The following SHOC1 variants were observed in gnomAD, a reference collection of about 807,000 sequenced individuals.
SHOC1 encodes the protein shortage in chiasmata 1.
SHOC1 carries 136 observed loss-of-function variants against 179.2 expected under a neutral mutation model. The ratio of observed to expected loss-of-function variants is 0.76; its 90% CI spans 0.66 to 0.87. The LOEUF (loss-of-function observed/expected upper bound fraction) is 0.87. SHOC1 is among the 40% of genes least tolerant of loss of function. The pLI, the probability that SHOC1 is intolerant of heterozygous loss-of-function variation, is 0.00. For missense variants in SHOC1, 1,538 were observed against 1,700.8 expected (o/e 0.90, Z 1.68); for synonymous variants, 489 against 586.6 (o/e 0.83, Z 2.41).
At position 111,779,728 on chromosome 9, in the gene SHOC1, A is replaced by G. The variant is rs1433144291; in HGVS notation, c.257+1202T>C. On this transcript the variant is annotated intron_variant, in intron 4 of 27. Coordinates refer to ENST00000682961, the MANE Select transcript of SHOC1 (RefSeq NM_001378211.1). The stretch of plus-strand genomic sequence containing the variant: ...CTGGCAGCATCATTACCACCTAGAA[A>G]TAGATTAGAATTGCAGAATCTCAGG... 3.9e-5 allele frequency among the ~76,000 whole-genome samples: 6 copies of G among 152,150 alleles called. No individual in the cohort carries two copies. The East Asian group carries it at 1.2e-3, about 29-fold the overall frequency.
rs151100295 is a variant in SHOC1, at chr9:111,735,589, A to G, written c.1417+2691T>C. Among the ~76,000 whole-genome samples, 404 of 152,218 alleles carry G rather than the reference A, an allele frequency of 2.7e-3. 1 individual carries two copies. Among genetic ancestry groups the G allele is most frequent in the African/African-American group, 8.6e-3 (359 of 41,520 alleles). On this transcript the variant is annotated intron_variant, in intron 12 of 27. Coordinates refer to ENST00000682961, the MANE Select transcript of SHOC1 (RefSeq NM_001378211.1). ...ATTTTCTTTATCCAGTCTATCATTGATGGGCATTTGGGTTGGTTCCAAGTC... is the reference window on the plus strand; with the variant it reads ...ATTTTCTTTATCCAGTCTATCATTGGTGGGCATTTGGGTTGGTTCCAAGTC...
intron 5 of SHOC1, among the ~76,000 whole-genome samples, chr9:111,762,912 T>C (rs1835198888): frequency 6.6e-6 from 1 of 152,116 alleles, no homozygotes; most frequent in Admixed American, 6.6e-5. Context: ...ACAGCCATCA[T>C]TCACAGACAA....
chr9:111,709,172 C>T (rs563663336), intron 18 of SHOC1, among the ~76,000 whole-genome samples: 3 of 152,250 alleles, frequency 2.0e-5, no homozygotes, highest in Non-Finnish European at 4.4e-5. Flanking sequence ...GAAGCCCTGT[C>T]TCTACTAAAA....
intron 20 of SHOC1, 57 bp downstream of exon 20, chr9:111,706,511 A>G: frequency 2.3e-6 from 3 of 1,314,930 alleles, no homozygotes; most frequent in Middle Eastern, 2.7e-4. Flanking sequence ...CATAAACAAA[A>G]AATAGAAAAT....
chr9:111,693,603 A>C (rs1371972941), intron 26 of SHOC1, among the ~76,000 whole-genome samples, 196 bp downstream of exon 26: 1 of 151,978 alleles, frequency 6.6e-6, no homozygotes, highest in Non-Finnish European at 1.5e-5. Flanking sequence ...TAAAATAAAA[A>C]ATAAAATAAA....
chr9:111,756,935 A>T lies in SHOC1; in HGVS notation c.709-457T>A, dbSNP rs1319269430. ...CTCCTCAACAAGAGAGACTAAGTCC[A>T]CAACTCTCAGGGTTAACCTGGGAAG... is the stretch of plus-strand genomic sequence containing the variant. On this transcript the variant is annotated intron_variant, in intron 7 of 27. Transcript: ENST00000682961. Among the ~76,000 whole-genome samples the T allele has an allele frequency of 3.9e-5, 6 of 152,190 alleles. No homozygotes were observed. In the South Asian group the frequency reaches 6.2e-4, roughly 16 times the overall value.
chr9:111,723,491 T>C (rs1451560251), intron 14 of SHOC1, among the ~76,000 whole-genome samples: 10 of 152,228 alleles, frequency 6.6e-5, no homozygotes, highest in Admixed American at 1.3e-4. Context: ...CAGTTCATTT[T>C]CCAGACTGGG....
intron 12 of SHOC1, among the ~76,000 whole-genome samples, chr9:111,732,765 TGAG>T (rs1181055129): frequency 6.6e-6 from 1 of 152,012 alleles, no homozygotes; most frequent in Admixed American, 6.6e-5. Context: ...GGTAGGTTAG[TGAG>T]GAGGAGAGGT....
At chr9:111,746,413 A>AG (rs1420704389) in intron 9 of SHOC1, 71 bp from the exon 10 acceptor site, 23 of 939,498 alleles carry the variant, frequency 2.4e-5, no homozygotes, top group Non-Finnish European at 3.3e-5. Flanking sequence ...GGTGGCTCAC[A>AG]CCTGTAATTC....
intron 5 of SHOC1, among the ~76,000 whole-genome samples, chr9:111,765,889 G>A (rs1451439405): frequency 6.6e-6 from 1 of 151,922 alleles, no homozygotes; most frequent in African/African-American, 2.4e-5. Context: ...TAGAGGCAGG[G>A]TTTCACCATG....
chr9:111,752,008 A>G (rs1043477945), intron 8 of SHOC1, among the ~76,000 whole-genome samples: 7 of 152,214 alleles, frequency 4.6e-5, no homozygotes, highest in African/African-American at 1.7e-4. Flanking sequence ...ATGTAAAATG[A>G]CTATCTGAAG....
intron 24 of SHOC1, among the ~76,000 whole-genome samples, chr9:111,695,629 A>G (rs367593241): frequency 3.9e-5 from 6 of 152,214 alleles, no homozygotes; most frequent in South Asian, 2.1e-4. Context: ...AGTTATTTCT[A>G]AACAGAAATA....
chr9:111,752,346 T>G (rs911222679), intron 8 of SHOC1, among the ~76,000 whole-genome samples: 2 of 152,186 alleles, frequency 1.3e-5, no homozygotes, highest in Non-Finnish European at 2.9e-5. Context: ...TGGGGCAGAT[T>G]GAAAGCATAT....
chr9:111,762,041 A>T (rs10981059), intron 5 of SHOC1, among the ~76,000 whole-genome samples: 28,686 of 152,166 alleles, frequency 0.19, 2,897 homozygotes, highest in Non-Finnish European at 0.22. Flanking sequence ...AAATAAGAAT[A>T]CATATTTATA....
At chr9:111,700,461 A>G (rs921104914) in intron 23 of SHOC1, among the ~76,000 whole-genome samples, 22 of 152,210 alleles carry the variant, frequency 1.4e-4, no homozygotes, top group Non-Finnish European at 1.3e-4. Context: ...CTGTTAGAAA[A>G]TGCATCTTTT....
intron 27 of SHOC1, among the ~76,000 whole-genome samples, chr9:111,687,530 C>T (rs999421140): frequency 1.3e-5 from 2 of 152,146 alleles, no homozygotes; most frequent in African/African-American, 4.8e-5. Flanking sequence ...TCTCTTCTAA[C>T]ATTTTTAAGT....
rs758283416 is a variant in SHOC1 at position 111,722,414 on chromosome 9, C to T, written c.2126G>A (p.Arg709His). ...TGACTTTTATTTGTACTCACCTTGG[C>T]GAACAGCATCACTTACTACTTTTTC... ...EQEKVVSDAV[R>H]QGTIDEREMT... Residue 709 changes from arginine to histidine, a missense_variant, in exon 15 of 28, where the codon CGC becomes CAC. Arg to His is a conservative substitution (Grantham distance 29, BLOSUM62 0). Transcript: ENST00000682961. 19 of 1,589,212 alleles carry T rather than the reference C, an allele frequency of 1.2e-5. No homozygotes were observed. Among genetic ancestry groups the T allele is most frequent in the South Asian group, 2.3e-5 (2 of 85,576 alleles).
chr9:111,708,329 A>G (rs1018942101), intron 18 of SHOC1, among the ~76,000 whole-genome samples: 1 of 151,930 alleles, frequency 6.6e-6, no homozygotes, highest in Non-Finnish European at 1.5e-5. Flanking sequence ...CAGCCTCTCA[A>G]GAAGCTGGGA....
chr9:111,780,673 A>G (rs923176382), intron 4 of SHOC1, among the ~76,000 whole-genome samples: 3 of 152,186 alleles, frequency 2.0e-5, no homozygotes, highest in African/African-American at 7.2e-5. Flanking sequence ...TTTAATATAA[A>G]GGACTTTTTA....
Sources: allele counts gnomAD v4.1 joint callset (sites outside exome capture counted in the v4.1 genomes callset), GRCh38; gene constraint gnomAD v4.1.1; transcripts MANE v1.5; gene names NCBI Gene and HGNC (gene_info 2026-07-23, HGNC 2026-07-21).